ARB2A: variants seen among roughly 807,000 people sequenced by gnomAD.
ARB2A encodes cotranscriptional regulator ARB2A.
the ARB2A span, among the ~76,000 whole-genome samples, chr5:94,084,290 A>C: frequency 1.3e-5 from 2 of 151,386 alleles, no homozygotes; most frequent in Non-Finnish European, 2.9e-5. Context: ...AAAAAAAAAA[A>C]AAAGAAAAGA....
the ARB2A span, among the ~76,000 whole-genome samples, chr5:93,886,193 C>T: frequency 6.6e-6 from 1 of 151,700 alleles, no homozygotes; most frequent in South Asian, 2.1e-4. Context: ...GCAAATTCTA[C>T]ATCTTTTCAA....
the ARB2A span, among the ~76,000 whole-genome samples, chr5:93,685,185 T>C: frequency 2.0e-5 from 3 of 152,220 alleles, no homozygotes; most frequent in Non-Finnish European, 4.4e-5. Context: ...TGATATGTTT[T>C]CTAATTTATT....
chr5:93,648,926 C>T, the ARB2A span, among the ~76,000 whole-genome samples: 1 of 152,080 alleles, frequency 6.6e-6, no homozygotes, highest in South Asian at 2.1e-4. Flanking sequence ...CAGAGAATCA[C>T]AAGCATATCT....
At chr5:93,949,788 T>C in the ARB2A span, among the ~76,000 whole-genome samples, 1 of 152,208 alleles carries the variant, frequency 6.6e-6, no homozygotes, top group Non-Finnish European at 1.5e-5. Flanking sequence ...CTCCCTCCCC[T>C]ACAACCCATT....
chr5:93,730,866 A>G, the ARB2A span, among the ~76,000 whole-genome samples: 9 of 152,178 alleles, frequency 5.9e-5, no homozygotes, highest in African/African-American at 1.7e-4. Context: ...GAAAATACAG[A>G]TAAATAAGAA....
At chr5:94,034,068 C>G in the ARB2A span, among the ~76,000 whole-genome samples, 6 of 152,300 alleles carry the variant, frequency 3.9e-5, no homozygotes, top group Non-Finnish European at 5.9e-5. Context: ...AGGCCCTCAC[C>G]AGAAGTTGAG....
chr5:94,048,712 C>T, the ARB2A span, among the ~76,000 whole-genome samples: 1 of 152,186 alleles, frequency 6.6e-6, no homozygotes, highest in Non-Finnish European at 1.5e-5. Context: ...GAAACCCAAT[C>T]TTCTAAAGGG....
At chr5:94,020,834 A>G in the ARB2A span, among the ~76,000 whole-genome samples, 3 of 152,210 alleles carry the variant, frequency 2.0e-5, no homozygotes, top group Non-Finnish European at 4.4e-5. Flanking sequence ...TCTACGGACT[A>G]AAACTTAAGG....
At chr5:94,078,226 C>T in the ARB2A span, among the ~76,000 whole-genome samples, 4 of 152,230 alleles carry the variant, frequency 2.6e-5, no homozygotes, top group South Asian at 2.1e-4. Flanking sequence ...TCACAGAACA[C>T]GTAAAATTGG....
the ARB2A span, among the ~76,000 whole-genome samples, chr5:93,988,994 T>G: frequency 6.6e-6 from 1 of 152,112 alleles, no homozygotes; most frequent in East Asian, 1.9e-4. Context: ...ATAAAGATGC[T>G]GAGGGAGAGG....
At chr5:93,888,259 C>G in the ARB2A span, among the ~76,000 whole-genome samples, 2 of 151,692 alleles carry the variant, frequency 1.3e-5, no homozygotes, top group Non-Finnish European at 1.5e-5. Flanking sequence ...TGATTTAATA[C>G]CATAGTTTTG....
At chr5:93,959,013 A>G in the ARB2A span, 1 of 1,279,348 alleles carries the variant, frequency 7.8e-7, no homozygotes, top group Non-Finnish European at 1.0e-6. Context: ...TCTTCTGATC[A>G]GGCATACACA....
chr5:93,620,053 C>T, the ARB2A span: 3 of 152,194 alleles, frequency 2.0e-5, no homozygotes, highest in Non-Finnish European at 4.4e-5. Flanking sequence ...TAACAACAAC[C>T]TTTCTCCACA....
At chr5:93,710,774 T>C in the ARB2A span, among the ~76,000 whole-genome samples, 34 of 152,344 alleles carry the variant, frequency 2.2e-4, no homozygotes, top group Non-Finnish European at 4.9e-4. Flanking sequence ...GAATATTTTT[T>C]CCCTTAATTT....
the ARB2A span, chr5:93,683,279 C>A: frequency 1.9e-6 from 3 of 1,600,330 alleles, no homozygotes; most frequent in Non-Finnish European, 2.6e-6. Context: ...CTTGCTACCA[C>A]CTCCAGGGGC....
At chr5:93,784,564 TAGTC>T in the ARB2A span, 1 of 1,114,678 alleles carries the variant, frequency 9.0e-7, no homozygotes, top group South Asian at 1.3e-5. Context: ...GCAGCCTGCT[TAGTC>T]AGAGATAACA....
At chr5:93,990,309 C>T in the ARB2A span, among the ~76,000 whole-genome samples, 4 of 151,980 alleles carry the variant, frequency 2.6e-5, no homozygotes, top group African/African-American at 9.7e-5. Context: ...TAGATTAACA[C>T]TATGCCTCTT....
chr5:93,637,731 G>A, the ARB2A span, among the ~76,000 whole-genome samples: 2 of 152,080 alleles, frequency 1.3e-5, no homozygotes, highest in African/African-American at 2.4e-5. Flanking sequence ...CCTTTACATA[G>A]AAATTTAGAA....
At chr5:94,021,855 C>T in the ARB2A span, among the ~76,000 whole-genome samples, 1 of 152,076 alleles carries the variant, frequency 6.6e-6, no homozygotes, top group African/African-American at 2.4e-5. Context: ...GTGGATCACC[C>T]GAGGTCAGTT....
Sources: gnomAD v4.1 joint callset for allele counts (sites outside exome capture counted in the v4.1 genomes callset) on GRCh38, gnomAD v4.1.1 for gene constraint, MANE v1.5 for transcripts, NCBI Gene and HGNC (gene_info 2026-07-23, HGNC 2026-07-21) for gene names.